The following MEIOSIN variants were observed in gnomAD, a reference collection of about 807,000 sequenced individuals.
MEIOSIN encodes the protein meiosis initiator protein.
A neutral mutation model predicts 23.4 loss-of-function variants in MEIOSIN; 18 were observed. The ratio of observed to expected loss-of-function variants is 0.77; its 90% confidence interval spans 0.53 to 1.14. The LOEUF is 1.14. MEIOSIN is among the 50% of genes most tolerant of loss of function. The pLI is 0.00. For missense variants in MEIOSIN, 428 were observed against 242.9 expected (o/e 1.76, Z -5.07); for synonymous variants, 187 against 100.6 (o/e 1.86, Z -5.14).
rs190800809 is a variant in MEIOSIN at position 45,748,032 on chromosome 19, C to T, written c.307-2643C>T. 5.5e-3 allele frequency among the ~76,000 whole-genome samples: 826 copies of T among 151,516 alleles called. 8 individuals are homozygous for T. Among genetic ancestry groups the T allele is most frequent in the African/African-American group, 0.019 (783 of 41,332 alleles). ...CTGGGAAGTGGAGGTTGCAATGAGT[C>T]GAGATCATACCACTGCACTCCAGCC... On this transcript the variant is annotated intron_variant, in intron 4 of 14. Transcript: ENST00000457052.
intron 10 of MEIOSIN, 89 bp downstream of exon 10, chr19:45,759,122 T>G (rs1469356255): frequency 1.5e-6 from 1 of 682,544 alleles, no homozygotes; most frequent in Non-Finnish European, 2.7e-6. Context: ...GTGCCCGGGG[T>G]GAATCCTGCC....
intron 5 of MEIOSIN, among the ~76,000 whole-genome samples, chr19:45,751,272 A>AAATAATAATAAT (rs145142679): frequency 0.03 from 4,113 of 136,340 alleles, 79 homozygotes; most frequent in Admixed American, 0.044. Context: ...ACTGTGTCTC[A>AAATAATAATAAT]AATAATAATA....
At chr19:45,757,543 T>C (rs1442176936) in intron 9 of MEIOSIN, among the ~76,000 whole-genome samples, 1 of 152,170 alleles carries the variant, frequency 6.6e-6, no homozygotes, top group Non-Finnish European at 1.5e-5. Context: ...TTTTTTGAGA[T>C]AGGGTTTCAC....
chr19:45,749,220 A>C (rs1968646672), intron 4 of MEIOSIN, among the ~76,000 whole-genome samples: 1 of 151,854 alleles, frequency 6.6e-6, no homozygotes, highest in Admixed American at 6.6e-5. Flanking sequence ...AAAATACAAA[A>C]AATTAGCTGG....
Position 45,756,754 on chromosome 19 carries a change from A to G in MEIOSIN, c.912-423A>G, listed in dbSNP as rs141706213. 3.5e-3 allele frequency among the ~76,000 whole-genome samples: 533 copies of G among 152,174 alleles called. 7 individuals carry two copies. Among genetic ancestry groups the G allele is most frequent in the African/African-American group, 0.012 (499 of 41,526 alleles). On this transcript the variant is annotated intron_variant, in intron 8 of 14. Coordinates refer to ENST00000457052, the MANE Select transcript of MEIOSIN (RefSeq NM_001310124.2). ...ATTTCACCTGGCCTTTGAGACCTTCAGTGGCCCCCAACTCACCTCGTCAGC... is the reference window on the plus strand; with the variant it reads ...ATTTCACCTGGCCTTTGAGACCTTCGGTGGCCCCCAACTCACCTCGTCAGC...
intron 3 of MEIOSIN, among the ~76,000 whole-genome samples, chr19:45,741,770 T>C (rs540016694): frequency 1.3e-5 from 2 of 152,100 alleles, no homozygotes; most frequent in Non-Finnish European, 2.9e-5. Flanking sequence ...TTATAATTAA[T>C]AAATTAATGA....
At chr19:45,735,286 C>A in intron 1 of MEIOSIN, 91 bp from the exon 2 acceptor site, 1 of 680,992 alleles carries the variant, frequency 1.5e-6, no homozygotes, top group South Asian at 1.6e-5. Flanking sequence ...AAAGGAGCAT[C>A]ATAGGGAAGA....
At chr19:45,760,400 G>A (rs1297943124) in intron 11 of MEIOSIN, among the ~76,000 whole-genome samples, 1 of 145,016 alleles carries the variant, frequency 6.9e-6, no homozygotes, top group Non-Finnish European at 1.5e-5. Flanking sequence ...GTCAGGAGTT[G>A]GAGACCAACC....
intron 2 of MEIOSIN, among the ~76,000 whole-genome samples, chr19:45,736,365 T>A (rs73560922): frequency 0.02 from 2,989 of 152,126 alleles, 95 homozygotes; most frequent in African/African-American, 0.069. Flanking sequence ...TCTTTCTTTC[T>A]TTCCTTTTTT....
At chr19:45,751,323 A>G (rs1187517791) in intron 5 of MEIOSIN, among the ~76,000 whole-genome samples, 6 of 143,714 alleles carry the variant, frequency 4.2e-5, no homozygotes, top group African/African-American at 1.3e-4. Flanking sequence ...TATACATAAA[A>G]TAAAATAAAT....
chr19:45,764,163 G>A lies in MEIOSIN; in HGVS notation c.*45G>A, dbSNP rs539377527. On this transcript the variant is annotated 3_prime_UTR_variant, in exon 15 of 15. Coordinates refer to ENST00000457052, the MANE Select transcript of MEIOSIN (RefSeq NM_001310124.2). ...GCTCCCCTCACCCCTCATGGCAACC[G>A]CGGCTCTTGCTGGAAGCCAGGACCC... 2.8e-5 allele frequency: 11 copies of A among 398,562 alleles called. No homozygotes were observed. The highest frequency in any genetic ancestry group is 1.6e-4 in the African/African-American group (8 of 48,756). The allele number at this position is 398,562 out of a possible 1,614,324, so 24.7% of individuals were successfully genotyped here.
At chr19:45,735,501 AT>A (rs1252986881) in intron 2 of MEIOSIN, 54 bp downstream of exon 2, 2 of 670,914 alleles carry the variant, frequency 3.0e-6, no homozygotes, top group Non-Finnish European at 5.4e-6. Flanking sequence ...TTGAATAATA[AT>A]AACAAAAACA....
At chr19:45,761,568 C>T (rs1438167589) in intron 11 of MEIOSIN, 111 bp from the exon 12 acceptor site, 11 of 594,268 alleles carry the variant, frequency 1.9e-5, no homozygotes, top group Admixed American at 1.1e-4. Flanking sequence ...CCACACCCTG[C>T]CAATCTGAGC....
Position 45,736,986 on chromosome 19 carries a change from A to G in MEIOSIN, c.71+1539A>G, listed in dbSNP as rs569816551. Among the ~76,000 whole-genome samples, 119 of 150,936 alleles carry G rather than the reference A, an allele frequency of 7.9e-4. 1 individual carries two copies. The highest frequency in any genetic ancestry group is 2.8e-3 in the African/African-American group (113 of 40,996). On this transcript the variant is annotated intron_variant, in intron 2 of 14. Coordinates refer to ENST00000457052, the MANE Select transcript of MEIOSIN (RefSeq NM_001310124.2). ...CGGGTTCAAGCGATTCTCCTGCCTC[A>G]GCCTCCCGAGTAGCTGAGACTACAG...
chr19:45,746,076 C>G (rs1020215384), intron 4 of MEIOSIN, among the ~76,000 whole-genome samples: 8 of 152,134 alleles, frequency 5.3e-5, no homozygotes, highest in African/African-American at 1.9e-4. Context: ...TCAAGCAATC[C>G]TCCCACCTCA....
chr19:45,735,711 C>G (rs1201662647), intron 2 of MEIOSIN, among the ~76,000 whole-genome samples: 1 of 151,984 alleles, frequency 6.6e-6, no homozygotes, highest in East Asian at 1.9e-4. Flanking sequence ...GGTTTCACTC[C>G]TGTTGCCCAG....
Position 45,753,795 on chromosome 19 carries a change from G to A in MEIOSIN, c.556+7G>A, listed in dbSNP as rs1017974574. The A allele has an allele frequency of 4.3e-6, 3 of 700,308 alleles. No homozygotes were observed. Among genetic ancestry groups the A allele is most frequent in the African/African-American group, 1.7e-5 (1 of 57,146 alleles). 43.4% of individuals were successfully genotyped at this position (700,308 alleles called of 1,614,324 possible). On this transcript the variant is annotated splice_region_variant and intron_variant, in intron 6 of 14. Transcript: ENST00000457052. ...AAGCTGACCCAGGCATCAGGTACAA[G>A]CTGTCACTGGAGGCAGAACTAGAAG...
At chr19:45,740,566 T>C (rs1399656654) in intron 3 of MEIOSIN, among the ~76,000 whole-genome samples, 1 of 151,954 alleles carries the variant, frequency 6.6e-6, no homozygotes, top group Non-Finnish European at 1.5e-5. Context: ...CTGGCCAACA[T>C]GGTGAAACCC....
chr19:45,735,328 C>T (rs1341339677), intron 1 of MEIOSIN, 49 bp from the exon 2 acceptor site: 2 of 700,312 alleles, frequency 2.9e-6, no homozygotes, highest in Non-Finnish European at 5.2e-6. Flanking sequence ...CCTGCCCATC[C>T]TTCCTGCAAT....
Sources: gnomAD v4.1 joint callset for allele counts (sites outside exome capture counted in the v4.1 genomes callset) on GRCh38, gnomAD v4.1.1 for gene constraint, MANE v1.5 for transcripts, NCBI Gene and HGNC (gene_info 2026-07-23, HGNC 2026-07-21) for gene names.